RC3H1: variants seen among roughly 807,000 people sequenced by gnomAD.
RC3H1 encodes roquin-1.
A neutral mutation model predicts 138.2 loss-of-function variants in RC3H1; 50 were observed. The observed-to-expected ratio is 0.36, with a 90% CI of 0.29 to 0.46. RC3H1 has a LOEUF of 0.46. RC3H1 is among the 20% of genes least tolerant of loss of function. The probability of loss-of-function intolerance (pLI) is 1.00; values close to 1 mark genes in which losing one functional copy is unlikely to be tolerated. For missense variants in RC3H1, 1,031 were observed against 1,388.1 expected (o/e 0.74, Z 4.09); for synonymous variants, 462 against 489.1 (o/e 0.94, Z 0.73).
At chr1:173,942,255 T>TA (rs571839570) in intron 18 of RC3H1, among the ~76,000 whole-genome samples, 84 of 129,320 alleles carry the variant, frequency 6.5e-4, no homozygotes, top group Middle Eastern at 3.9e-3. Flanking sequence ...AAAAAAAAAC[T>TA]AAAAAAAAAA....
chr1:173,946,201 C>T (rs1053036090), intron 17 of RC3H1, among the ~76,000 whole-genome samples: 10 of 151,294 alleles, frequency 6.6e-5, no homozygotes, highest in Admixed American at 5.3e-4. Flanking sequence ...AACAAACAAA[C>T]AAACAAAAAA....
At chr1:174,012,389 T>C (rs1365468176) in intron 1 of RC3H1, among the ~76,000 whole-genome samples, 2 of 152,130 alleles carry the variant, frequency 1.3e-5, no homozygotes, top group Admixed American at 6.5e-5. Flanking sequence ...CTTCTATAGA[T>C]TTAACTTATA....
At chr1:173,991,935 C>A (rs1432658428) in intron 2 of RC3H1, among the ~76,000 whole-genome samples, 2 of 151,980 alleles carry the variant, frequency 1.3e-5, no homozygotes, top group African/African-American at 4.8e-5. Context: ...ACCATCCCAA[C>A]CATTTTTAGG....
At chr1:173,982,947 A>G in intron 4 of RC3H1, 45 bp from the exon 5 acceptor site, 1 of 1,503,964 alleles carries the variant, frequency 6.6e-7, no homozygotes, top group Non-Finnish European at 9.1e-7. Flanking sequence ...GTACATAGAT[A>G]AGATAAATCC....
intron 13 of RC3H1, among the ~76,000 whole-genome samples, chr1:173,956,435 G>A (rs1362983907): frequency 1.3e-5 from 2 of 151,876 alleles, no homozygotes; most frequent in Non-Finnish European, 2.9e-5. Context: ...CAAGGCAGGC[G>A]GATCACCTGA....
intron 14 of RC3H1, among the ~76,000 whole-genome samples, chr1:173,950,420 C>CA (rs60259705): frequency 0.012 from 785 of 63,508 alleles, 16 homozygotes; most frequent in Middle Eastern, 0.038. Context: ...TCATCTCTAC[C>CA]AAAAAAAAAA....
At position 173,964,323 on chromosome 1, in the gene RC3H1, T is replaced by G. The variant is rs572760609; in HGVS notation, c.1617-136A>C. On this transcript the variant is annotated intron_variant, in intron 10 of 19. Coordinates refer to ENST00000367696, the MANE Select transcript of RC3H1 (RefSeq NM_172071.4). ...CTCCCTTCTACAAAATTTGCAATTT[T>G]TAAATCTTATTTCCCCTATGTTAAT... is the stretch of plus-strand genomic sequence containing the variant. 5.5e-5 allele frequency: 36 copies of G among 657,062 alleles called. No individual in the cohort carries two copies. In the South Asian group the frequency reaches 6.6e-4, roughly 12 times the overall value. 40.7% of individuals were successfully genotyped at this position (657,062 alleles called of 1,614,324 possible). A position where few individuals can be genotyped will look rare whatever the true frequency, so the allele number is the denominator to read the frequency against.
intron 7 of RC3H1, among the ~76,000 whole-genome samples, chr1:173,978,068 T>C (rs1454400857): frequency 6.6e-6 from 1 of 151,868 alleles, no homozygotes; most frequent in Non-Finnish European, 1.5e-5. Context: ...AGTAAAGATA[T>C]ACAAGACAGG....
At chr1:174,019,831 A>G (rs937255911) in intron 1 of RC3H1, among the ~76,000 whole-genome samples, 10 of 152,154 alleles carry the variant, frequency 6.6e-5, no homozygotes, top group Non-Finnish European at 1.0e-4. Flanking sequence ...TTTTTTTCCT[A>G]TTGAACAGAA....
chr1:173,936,936 T>C lies in RC3H1; in HGVS notation c.*1785A>G, dbSNP rs1658630859. 1 of 147,022 alleles carries C rather than the reference T, an allele frequency of 6.8e-6. No homozygotes were observed. The highest frequency in any genetic ancestry group is 6.8e-5 in the Admixed American group (1 of 14,654). 9.1% of individuals were successfully genotyped at this position (147,022 alleles called of 1,614,324 possible). ...CCCAATATATATACAGATATAGCTATGTATATATGTATATATATAATATAT... is the reference window on the plus strand; with the variant it reads ...CCCAATATATATACAGATATAGCTACGTATATATGTATATATATAATATAT... On this transcript the variant is annotated 3_prime_UTR_variant, in exon 20 of 20. Coordinates refer to ENST00000367696, the MANE Select transcript of RC3H1 (RefSeq NM_172071.4).
chr1:173,977,112 G>C (rs1167240283), intron 7 of RC3H1, among the ~76,000 whole-genome samples: 1 of 151,922 alleles, frequency 6.6e-6, no homozygotes, highest in Admixed American at 6.6e-5. Context: ...TTTTAGTAGA[G>C]ACGGGGTTTC....
At position 173,943,445 on chromosome 1, in the gene RC3H1, A is replaced by G; in HGVS notation, c.3132T>C (p.Ser1044=). ...CTTTCCCCACCATAACACTCACCAT[A>G]CTCAGTTCCCGTGTTCTCTTCCCGA... The part of the protein sequence containing the change: ...REIGKRTREL[S]MENQCSLDMK... Residue 1044 remains serine (S), a synonymous_variant, in exon 18 of 20, where the codon AGT becomes AGC. Transcript: ENST00000367696. 1 of 1,611,720 alleles carries G rather than the reference A, an allele frequency of 6.2e-7. No homozygotes were observed. Among genetic ancestry groups the G allele is most frequent in the Non-Finnish European group, 8.5e-7 (1 of 1,178,762 alleles).
intron 1 of RC3H1, among the ~76,000 whole-genome samples, chr1:173,993,881 G>A (rs1424907158): frequency 2.0e-5 from 3 of 150,760 alleles, no homozygotes; most frequent in African/African-American, 7.3e-5. Context: ...TTAGCCAGGC[G>A]TGGTGGCAGG....
At chr1:173,994,485 C>T (rs939943044) in intron 1 of RC3H1, among the ~76,000 whole-genome samples, 1 of 152,004 alleles carries the variant, frequency 6.6e-6, no homozygotes, top group African/African-American at 2.4e-5. Flanking sequence ...GTATTTATAC[C>T]ACAATCTTGA....
At chr1:174,012,981 G>A (rs559063616) in intron 1 of RC3H1, among the ~76,000 whole-genome samples, 1 of 151,570 alleles carries the variant, frequency 6.6e-6, no homozygotes, top group South Asian at 2.1e-4. Flanking sequence ...ATAGAATGCT[G>A]CAACATAAAT....
At chr1:173,966,646 C>T (rs764250647) in intron 9 of RC3H1, among the ~76,000 whole-genome samples, 2 of 151,542 alleles carry the variant, frequency 1.3e-5, no homozygotes, top group African/African-American at 2.4e-5. Flanking sequence ...GCCCGGGAGG[C>T]GGAGGTTGCA....
intron 5 of RC3H1, 110 bp from the exon 6 acceptor site, chr1:173,981,119 G>T: frequency 1.2e-6 from 1 of 857,572 alleles, no homozygotes; most frequent in Non-Finnish European, 1.8e-6. Flanking sequence ...AAGATTAAAT[G>T]AATATACCAT....
intron 18 of RC3H1, among the ~76,000 whole-genome samples, chr1:173,942,190 T>C (rs889306157): frequency 1.3e-5 from 2 of 149,330 alleles, no homozygotes; most frequent in African/African-American, 5.0e-5. Flanking sequence ...TGCAGCGAGC[T>C]GAGATCGTGC....
intron 1 of RC3H1, among the ~76,000 whole-genome samples, chr1:173,998,786 T>C (rs1018914230): frequency 6.6e-5 from 10 of 152,084 alleles, no homozygotes; most frequent in African/African-American, 2.2e-4. Context: ...AAAGATCTTA[T>C]TATCAAAATA....
Sources: allele counts gnomAD v4.1 joint callset (sites outside exome capture counted in the v4.1 genomes callset), GRCh38; gene constraint gnomAD v4.1.1; transcripts MANE v1.5; gene names NCBI Gene and HGNC (gene_info 2026-07-23, HGNC 2026-07-21).